FBXL13: variants seen among roughly 807,000 people sequenced by gnomAD.
FBXL13 encodes the protein F-box and leucine-rich repeat protein 13.
Under a neutral mutation model 83.6 loss-of-function variants are expected in FBXL13, and 67 were observed. That is an observed-to-expected ratio of 0.80 (90% CI 0.66 to 0.98). FBXL13 has a LOEUF of 0.98. Among genes scored for constraint, FBXL13 ranks in the 50% least tolerant of loss-of-function variants. FBXL13 has a pLI of 0.00. For missense variants in FBXL13, 822 were observed against 866.5 expected, an observed-to-expected ratio of 0.95 and a Z score of 0.64; for synonymous variants, 272 against 299.5, an observed-to-expected ratio of 0.91 and a Z score of 0.95.
At chr7:102,927,843 G>A (rs1172445052) in intron 9 of FBXL13, among the ~76,000 whole-genome samples, 4 of 152,218 alleles carry the variant, frequency 2.6e-5, no homozygotes, top group East Asian at 1.9e-4. Flanking sequence ...GAATAACCAC[G>A]TGTGGCACTG....
chr7:102,819,479 T>G (rs1180643056), intron 19 of FBXL13, among the ~76,000 whole-genome samples: 1 of 152,098 alleles, frequency 6.6e-6, no homozygotes, highest in African/African-American at 2.4e-5. Context: ...TCAGAAAGGG[T>G]GAGCTGAGCA....
chr7:102,913,028 C>T (rs914911850), intron 11 of FBXL13, 58 bp downstream of exon 12: 4 of 1,611,334 alleles, frequency 2.5e-6, no homozygotes, highest in Non-Finnish European at 3.4e-6. Flanking sequence ...CTGAATGCAG[C>T]CCATTCTCTG....
chr7:102,931,199 G>C (rs1010387965), intron 9 of FBXL13, among the ~76,000 whole-genome samples: 2 of 152,200 alleles, frequency 1.3e-5, no homozygotes, highest in Admixed American at 1.3e-4. Flanking sequence ...GAGCAACTTG[G>C]AGCATGCAGG....
intron 8 of FBXL13, chr7:102,934,036 C>T (rs1585015971): frequency 6.2e-7 from 1 of 1,614,100 alleles, no homozygotes; most frequent in Non-Finnish European, 8.5e-7. Context: ...GCCGGAGAGG[C>T]TCCAACCCGG....
At chr7:102,815,142 A>G (rs1562891187) in intron 19 of FBXL13, among the ~76,000 whole-genome samples, 1 of 152,146 alleles carries the variant, frequency 6.6e-6, no homozygotes, top group East Asian at 1.9e-4. Context: ...CTATCAGTCT[A>G]AACATTATCC....
chr7:102,906,195 G>A (rs1372548220), intron 11 of FBXL13, among the ~76,000 whole-genome samples: 1 of 152,106 alleles, frequency 6.6e-6, no homozygotes, highest in Non-Finnish European at 1.5e-5. Flanking sequence ...ACAACACATG[G>A]GAATTCAAGA....
intron 10 of FBXL13, among the ~76,000 whole-genome samples, chr7:102,919,537 T>C (rs1816578144): frequency 6.6e-6 from 1 of 152,208 alleles, no homozygotes; most frequent in Non-Finnish European, 1.5e-5. Flanking sequence ...TGGAAATGTC[T>C]TTAATTTCTC....
At chr7:102,956,150 C>A (rs1427845481) in intron 8 of FBXL13, among the ~76,000 whole-genome samples, 1 of 152,100 alleles carries the variant, frequency 6.6e-6, no homozygotes, top group Non-Finnish European at 1.5e-5. Context: ...TACTGGCAAA[C>A]CGAATCCAGC....
chr7:102,877,360 G>C (rs1809407361), intron 16 of FBXL13, 107 bp downstream of exon 17: 8 of 991,826 alleles, frequency 8.1e-6, no homozygotes, highest in Admixed American at 7.9e-5. Context: ...TTTTATAATA[G>C]AATAACAAAT....
At chr7:102,989,265 C>T (rs77766726) in intron 6 of FBXL13, among the ~76,000 whole-genome samples, 1,682 of 152,278 alleles carry the variant, frequency 0.011, 35 homozygotes, top group African/African-American at 0.039. Context: ...ATAATGAGGC[C>T]GCTTTCTCTG....
intron 6 of FBXL13, among the ~76,000 whole-genome samples, chr7:103,008,692 G>A (rs1314065786): frequency 6.6e-6 from 1 of 151,930 alleles, no homozygotes; most frequent in Non-Finnish European, 1.5e-5. Context: ...CGAGTAGCTG[G>A]GACTATAGGT....
chr7:102,839,763 G>A (rs1217812280), intron 17 of FBXL13, among the ~76,000 whole-genome samples: 1 of 151,956 alleles, frequency 6.6e-6, no homozygotes, highest in Non-Finnish European at 1.5e-5. Flanking sequence ...AATATTTTGA[G>A]CATACACTTT....
chr7:103,030,912 T>A (rs1357725907), intron 2 of FBXL13: 3 of 152,192 alleles, frequency 2.0e-5, no homozygotes, highest in African/African-American at 7.2e-5. Context: ...TAAATTTTTA[T>A]TTTAACTTTA....
rs1489361615 is a variant in FBXL13 at position 102,962,523 on chromosome 7, C to T, written c.724+1010G>A. 8.5e-5 allele frequency among the ~76,000 whole-genome samples: 13 copies of T among 152,232 alleles called. 1 individual carries two copies. In the East Asian group the frequency reaches 2.5e-3, roughly 29 times the overall value. ...ACTAGAAATCATGCTGCTATAAAGA[C>T]ACATGCACGCATATGTTTATTGCGG... On this transcript the variant is annotated intron_variant, in intron 8 of 19. Coordinates refer to ENST00000313221, the Ensembl canonical transcript of FBXL13.
intron 1 of FBXL13, among the ~76,000 whole-genome samples, chr7:103,069,019 C>A (rs983244639): frequency 4.6e-4 from 70 of 152,154 alleles, no homozygotes; most frequent in African/African-American, 1.6e-3. Flanking sequence ...AAGTGAGGAG[C>A]GCCTCTGCCC....
intron 6 of FBXL13, among the ~76,000 whole-genome samples, chr7:103,005,453 G>A (rs1459720793): frequency 9.2e-5 from 14 of 151,956 alleles, no homozygotes; most frequent in African/African-American, 3.4e-4. Flanking sequence ...TTAAAGAGTT[G>A]TTTTAGTCTG....
rs1449166511 is a variant in FBXL13 at position 102,933,981 on chromosome 7, C to T, written c.725-2048G>A. Reference sequence around the variant, plus strand: ...GCGGCTGAGCTGCGCAAAGCAAGCCCAGGCAGTGTGAGAAGCCGAGTGAAT... The same window carrying T: ...GCGGCTGAGCTGCGCAAAGCAAGCCTAGGCAGTGTGAGAAGCCGAGTGAAT... On this transcript the variant is annotated intron_variant, in intron 8 of 19. Transcript: ENST00000313221. 1.9e-6 allele frequency: 3 copies of T among 1,614,102 alleles called. No individual in the cohort carries two copies. Among genetic ancestry groups the T allele is most frequent in the African/African-American group, 1.3e-5 (1 of 75,028 alleles).
intron 8 of FBXL13, among the ~76,000 whole-genome samples, chr7:102,955,634 C>G (rs1267439871): frequency 6.7e-6 from 1 of 150,198 alleles, no homozygotes; most frequent in African/African-American, 2.4e-5. Context: ...AATTGACAGA[C>G]TGCTAGCAAG....
chr7:102,918,094 G>C (rs1816267864), intron 10 of FBXL13, among the ~76,000 whole-genome samples: 1 of 152,180 alleles, frequency 6.6e-6, no homozygotes, highest in South Asian at 2.1e-4. Context: ...AAGAGAGAAT[G>C]ACAGCAGAAA....
Sources: gnomAD v4.1 joint callset for allele counts (sites outside exome capture counted in the v4.1 genomes callset) on GRCh38, gnomAD v4.1.1 for gene constraint, MANE v1.5 for transcripts, NCBI Gene and HGNC (gene_info 2026-07-23, HGNC 2026-07-21) for gene names.